DPP6: variants seen among roughly 807,000 people sequenced by gnomAD.
DPP6 encodes the protein A-type potassium channel modulatory protein DPP6.
In DPP6, 69 loss-of-function variants were observed where a neutral mutation model predicts 122.6. The ratio of observed to expected loss-of-function variants is 0.56; its 90% CI spans 0.46 to 0.69. The LOEUF (loss-of-function observed/expected upper bound fraction) is 0.69. Among genes scored for constraint, DPP6 ranks in the 30% least tolerant of loss-of-function variants. DPP6 has a pLI of 0.00. For synonymous variants in DPP6, 418 were observed against 433.1 expected (o/e 0.97, Z 0.43); for missense variants, 928 against 1,116.9 (o/e 0.83, Z 2.41).
chr7:154,263,220 CT>C (rs2150919086), intron 1 of DPP6, among the ~76,000 whole-genome samples: 1 of 152,250 alleles, frequency 6.6e-6, no homozygotes, highest in East Asian at 1.9e-4. Flanking sequence ...AGGGGAAAGA[CT>C]CAACAGAAAC....
At chr7:154,807,502 A>T (rs1257133764) in intron 16 of DPP6, among the ~76,000 whole-genome samples, 1 of 152,200 alleles carries the variant, frequency 6.6e-6, no homozygotes, top group Non-Finnish European at 1.5e-5. Context: ...AATTTCAAAG[A>T]TTAACTTTTC....
chr7:154,853,634 C>A, intron 16 of DPP6, 146 bp from the exon 17 acceptor site: 1 of 1,164,840 alleles, frequency 8.6e-7, no homozygotes, highest in Non-Finnish European at 1.2e-6. Flanking sequence ...TCTGCCATCC[C>A]ATCATTGATT....
chr7:153,778,788 A>C, the DPP6 span, among the ~76,000 whole-genome samples: 1 of 151,492 alleles, frequency 6.6e-6, no homozygotes, highest in Non-Finnish European at 1.5e-5. Flanking sequence ...GTTTCTTGTA[A>C]AGTTAGACAT....
intron 1 of DPP6, among the ~76,000 whole-genome samples, chr7:154,430,624 G>T (rs570329948): frequency 2.8e-4 from 43 of 152,276 alleles, no homozygotes; most frequent in Admixed American, 7.2e-4. Flanking sequence ...CAAACATTCA[G>T]CCCATAGCAC....
At chr7:154,108,975 G>A (rs1023937111) in intron 1 of DPP6, among the ~76,000 whole-genome samples, 5 of 152,152 alleles carry the variant, frequency 3.3e-5, no homozygotes, top group African/African-American at 1.2e-4. Context: ...TTCTGTTTTA[G>A]GTTCAGTGGC....
At chr7:153,931,671 G>A (rs1310803476) in intron 1 of DPP6, among the ~76,000 whole-genome samples, 1 of 152,224 alleles carries the variant, frequency 6.6e-6, no homozygotes, top group Non-Finnish European at 1.5e-5. Flanking sequence ...GTGATACCCT[G>A]AGTACACAAA....
At chr7:153,906,299 A>G (rs1457591084) in intron 1 of DPP6, among the ~76,000 whole-genome samples, 3 of 152,276 alleles carry the variant, frequency 2.0e-5, no homozygotes, top group Non-Finnish European at 4.4e-5. Context: ...CTCATCGCTC[A>G]TAGACTGTAC....
rs1825073530 is a variant in DPP6 at position 154,499,808 on chromosome 7, T to G, written c.457+24771T>G. ...ATCTACAGATATTTCAGTATGTGTG[T>G]GGGGGTCCTAAAGACAACCAGGTTT... On this transcript the variant is annotated intron_variant, in intron 3 of 25. Coordinates refer to ENST00000377770, the MANE Select transcript of DPP6 (RefSeq NM_130797.4). Among the ~76,000 whole-genome samples the G allele has an allele frequency of 2.0e-5, 3 of 152,240 alleles. No individual in the cohort carries two copies. In the South Asian group the frequency reaches 6.2e-4, roughly 32 times the overall value.
At chr7:154,556,897 A>G (rs1015854303) in intron 4 of DPP6, among the ~76,000 whole-genome samples, 3 of 148,184 alleles carry the variant, frequency 2.0e-5, no homozygotes, top group Non-Finnish European at 4.5e-5. Context: ...AAATTGATAC[A>G]TAGAGCAAAC....
chr7:154,545,405 A>G (rs1259205201), intron 4 of DPP6, among the ~76,000 whole-genome samples: 1 of 151,448 alleles, frequency 6.6e-6, no homozygotes, highest in Non-Finnish European at 1.5e-5. Flanking sequence ...TTCTGAGTAG[A>G]ACACTCCTTT....
intron 16 of DPP6, among the ~76,000 whole-genome samples, chr7:154,842,294 A>G (rs1168481213): frequency 2.0e-5 from 3 of 152,250 alleles, no homozygotes; most frequent in Non-Finnish European, 4.4e-5. Context: ...CTGGTTGGAA[A>G]TTATCTGTCA....
chr7:153,794,158 C>A, the DPP6 span, among the ~76,000 whole-genome samples: 115 of 152,302 alleles, frequency 7.6e-4, 1 homozygote, highest in African/African-American at 2.6e-3. Context: ...CCACTGTCCT[C>A]CAGACCCTAG....
chr7:153,986,428 C>G (rs1351265784), intron 1 of DPP6, among the ~76,000 whole-genome samples: 1 of 151,752 alleles, frequency 6.6e-6, no homozygotes, highest in Non-Finnish European at 1.5e-5. Context: ...AAGATGTGAT[C>G]CAGCGAAGTA....
Position 154,255,619 on chromosome 7 carries a change from A to G in DPP6, c.244-190595A>G, listed in dbSNP as rs557669866. On this transcript the variant is annotated intron_variant, in intron 1 of 25. Transcript: ENST00000377770. ...CCTCCTCCTGCCCTGTGGGAAGAGCATAGTCCCCCTCTGCCTTTTTCTTTC... is the reference window on the plus strand; with the variant it reads ...CCTCCTCCTGCCCTGTGGGAAGAGCGTAGTCCCCCTCTGCCTTTTTCTTTC... Among the ~76,000 whole-genome samples, 4 of 152,304 alleles carry G rather than the reference A, an allele frequency of 2.6e-5. No individual in the cohort carries two copies. In the East Asian group the frequency reaches 5.8e-4, roughly 22 times the overall value.
At chr7:154,154,106 C>G (rs565793209) in intron 1 of DPP6, among the ~76,000 whole-genome samples, 1 of 152,324 alleles carries the variant, frequency 6.6e-6, no homozygotes, top group Admixed American at 6.5e-5. Flanking sequence ...AGGAAAAGTC[C>G]AAAGTTGGCT....
At chr7:154,261,649 G>A (rs1803026329) in intron 1 of DPP6, among the ~76,000 whole-genome samples, 1 of 151,944 alleles carries the variant, frequency 6.6e-6, no homozygotes, top group African/African-American at 2.4e-5. Context: ...ATCTGACAGA[G>A]GACTAATATC....
chr7:153,875,857 AT>A, the DPP6 span, among the ~76,000 whole-genome samples: 3 of 150,034 alleles, frequency 2.0e-5, no homozygotes, highest in Admixed American at 6.7e-5. Context: ...AAAAGGCAAA[AT>A]TGTCAGACTG....
chr7:154,709,670 TG>T (rs1446172235), intron 7 of DPP6, among the ~76,000 whole-genome samples: 1 of 152,008 alleles, frequency 6.6e-6, no homozygotes, highest in Non-Finnish European at 1.5e-5. Flanking sequence ...TTTTCCAGCT[TG>T]TAACTGGCCA....
At chr7:154,066,869 C>T (rs928131234) in intron 1 of DPP6, among the ~76,000 whole-genome samples, 3 of 151,954 alleles carry the variant, frequency 2.0e-5, no homozygotes, top group Non-Finnish European at 2.9e-5. Flanking sequence ...CTGGGTCTGT[C>T]CCATGAAGAG....
Sources: gnomAD v4.1 joint callset for allele counts (sites outside exome capture counted in the v4.1 genomes callset) on GRCh38, gnomAD v4.1.1 for gene constraint, MANE v1.5 for transcripts, NCBI Gene and HGNC (gene_info 2026-07-23, HGNC 2026-07-21) for gene names.